The following TNFRSF10B variants were observed in gnomAD, a reference collection of about 807,000 sequenced individuals.
TNFRSF10B encodes tumor necrosis factor receptor superfamily member 10B.
A neutral mutation model predicts 41.4 loss-of-function variants in TNFRSF10B; 35 were observed. That is an observed-to-expected ratio of 0.85 (90% confidence interval 0.65 to 1.12). The LOEUF is 1.12. Ranked by LOEUF, TNFRSF10B falls within the 50% of genes most tolerant of loss-of-function variation. TNFRSF10B has a pLI of 0.00. For synonymous variants in TNFRSF10B, 230 were observed against 215.5 expected (o/e 1.07, Z -0.59); for missense variants, 584 against 552.7 (o/e 1.06, Z -0.57).
chr8:23,022,571 G>A lies in TNFRSF10B; in HGVS notation c.*100C>T, dbSNP rs776659584. ...GAGAGTTTCTTCCAGTACCGGTCAT[G>A]TGACAATTGTGGCACTTTCCTACTG... is the stretch of plus-strand genomic sequence containing the variant. On this transcript the variant is annotated 3_prime_UTR_variant, in exon 9 of 9. Transcript: ENST00000276431. 9.3e-6 allele frequency: 12 copies of A among 1,294,448 alleles called. No homozygotes were observed. The highest frequency in any genetic ancestry group is 1.3e-5 in the Non-Finnish European group (12 of 905,632). The allele number at this position is 1,294,448 out of a possible 1,614,324, so 80.2% of individuals were successfully genotyped here.
intron 4 of TNFRSF10B, among the ~76,000 whole-genome samples, chr8:23,028,921 G>A (rs1811797115): frequency 6.6e-6 from 1 of 152,204 alleles, no homozygotes; most frequent in Non-Finnish European, 1.5e-5. Context: ...CCAGGGGAAG[G>A]TCACAAGCCC....
At chr8:23,042,103 C>G (rs938786752) in intron 2 of TNFRSF10B, among the ~76,000 whole-genome samples, 2 of 152,184 alleles carry the variant, frequency 1.3e-5, no homozygotes, top group Non-Finnish European at 2.9e-5. Context: ...CATCCACACC[C>G]CAAATATGTC....
chr8:23,039,831 C>T (rs1052003273), intron 2 of TNFRSF10B, among the ~76,000 whole-genome samples: 26 of 152,098 alleles, frequency 1.7e-4, no homozygotes, highest in African/African-American at 6.3e-4. Flanking sequence ...TGAAATTCTG[C>T]CGGTATTATA....
intron 4 of TNFRSF10B, among the ~76,000 whole-genome samples, chr8:23,029,038 G>C (rs1811800407): frequency 6.6e-6 from 1 of 152,190 alleles, no homozygotes; most frequent in Non-Finnish European, 1.5e-5. Context: ...AGGGGGGCCA[G>C]AGAAGAGCAA....
intron 3 of TNFRSF10B, 97 bp from the exon 4 acceptor site, chr8:23,029,818 G>A: frequency 1.6e-6 from 2 of 1,252,278 alleles, no homozygotes; most frequent in South Asian, 2.6e-5. Flanking sequence ...GCTCAACTCA[G>A]TTTGCCAAGG....
chr8:23,024,570 G>A (rs186376791), intron 7 of TNFRSF10B, among the ~76,000 whole-genome samples: 2 of 151,836 alleles, frequency 1.3e-5, no homozygotes, highest in Admixed American at 1.3e-4. Context: ...TCCCAGGCTG[G>A]AGTGCAATAG....
At chr8:23,051,583 C>T (rs367763718) in intron 1 of TNFRSF10B, among the ~76,000 whole-genome samples, 5 of 149,800 alleles carry the variant, frequency 3.3e-5, no homozygotes, top group East Asian at 2.0e-4. Flanking sequence ...CTCGCTCTGT[C>T]GCCCAGGCTG....
chr8:23,020,883 C>A lies in TNFRSF10B; in HGVS notation c.*1788G>T. 1 of 453,990 alleles carries A rather than the reference C, an allele frequency of 2.2e-6. No homozygotes were observed. The highest frequency in any genetic ancestry group is 4.4e-6 in the Non-Finnish European group (1 of 226,778). 28.1% of individuals were successfully genotyped at this position (453,990 alleles called of 1,614,324 possible). A position where few individuals can be genotyped will look rare whatever the true frequency, so the allele number is the denominator to read the frequency against. ...GACCAGGAGGCAGCAGCACCCTGTG[C>A]CTTCCAGAAGTGCAGGGGACAACGC... On this transcript the variant is annotated 3_prime_UTR_variant, in exon 9 of 9. Transcript: ENST00000276431.
intron 1 of TNFRSF10B, among the ~76,000 whole-genome samples, chr8:23,050,882 T>G (rs1812504221): frequency 6.6e-6 from 1 of 152,266 alleles, no homozygotes; most frequent in Non-Finnish European, 1.5e-5. Flanking sequence ...GAGACCAGCC[T>G]GGCCAACATG....
At chr8:23,065,054 G>A (rs1812943409) in intron 1 of TNFRSF10B, among the ~76,000 whole-genome samples, 1 of 152,184 alleles carries the variant, frequency 6.6e-6, no homozygotes, top group South Asian at 2.1e-4. Flanking sequence ...TGACAGTGGT[G>A]GGACCTCATG....
intron 1 of TNFRSF10B, among the ~76,000 whole-genome samples, chr8:23,065,047 CAGT>C (rs1812943096): frequency 6.6e-6 from 1 of 152,190 alleles, no homozygotes; most frequent in African/African-American, 2.4e-5. Flanking sequence ...GGGGAGGTGA[CAGT>C]GGTGGGACCT....
chr8:23,041,350 C>T (rs1812196361), intron 2 of TNFRSF10B, among the ~76,000 whole-genome samples: 1 of 152,036 alleles, frequency 6.6e-6, no homozygotes, highest in Non-Finnish European at 1.5e-5. Flanking sequence ...AGTCACTGCG[C>T]CCGGCGTTAT....
chr8:23,048,437 CA>C (rs34985507), intron 1 of TNFRSF10B, among the ~76,000 whole-genome samples: 4,031 of 93,654 alleles, frequency 0.043, 151 homozygotes, highest in African/African-American at 0.12. Flanking sequence ...ATTTTTGTGT[CA>C]AAAAAAAAAA....
Position 23,022,631 on chromosome 8 carries a change from G to A in TNFRSF10B, c.*40C>T. ...CAGTTGGGCTTTTTCCAGAAAAAAG[G>A]TAAACCAGGGAAGGTCTGACTTCCT... On this transcript the variant is annotated 3_prime_UTR_variant, in exon 9 of 9. Coordinates refer to ENST00000276431, the MANE Select transcript of TNFRSF10B (RefSeq NM_003842.5). The A allele has an allele frequency of 3.7e-6, 6 of 1,612,470 alleles. No individual in the cohort carries two copies. The highest frequency in any genetic ancestry group is 2.2e-5 in the East Asian group (1 of 44,860).
Position 23,040,266 on chromosome 8 carries a change from A to AT in TNFRSF10B, c.250+2871_250+2872insA, listed in dbSNP as rs1563313827. On this transcript the variant is annotated intron_variant, in intron 2 of 8. Transcript: ENST00000276431. ...TATATATTTAAATATATATTTATTA[A>AT]ATATATATATAATATATATTTATTA... 1.9e-4 allele frequency among the ~76,000 whole-genome samples: 20 copies of AT among 107,814 alleles called. 4 individuals are homozygous for AT. The highest frequency in any genetic ancestry group is 2.4e-4 in the Admixed American group (2 of 8,410). The allele number at this position is 107,814 out of a possible 152,430, so 70.7% of individuals were successfully genotyped here.
chr8:23,022,558 C>T lies in TNFRSF10B; in HGVS notation c.*113G>A. On this transcript the variant is annotated 3_prime_UTR_variant, in exon 9 of 9. Coordinates refer to ENST00000276431, the MANE Select transcript of TNFRSF10B (RefSeq NM_003842.5). ...TGATGTTGGATGGGAGAGTTTCTTCCAGTACCGGTCATGTGACAATTGTGG... is the reference window on the plus strand; with the variant it reads ...TGATGTTGGATGGGAGAGTTTCTTCTAGTACCGGTCATGTGACAATTGTGG... 1 of 1,148,326 alleles carries T rather than the reference C, an allele frequency of 8.7e-7. No homozygotes were observed. Among genetic ancestry groups the T allele is most frequent in the South Asian group, 1.3e-5 (1 of 77,014 alleles). 71.1% of individuals were successfully genotyped at this position (1,148,326 alleles called of 1,614,324 possible).
chr8:23,048,540 A>G (rs1056403405), intron 1 of TNFRSF10B, among the ~76,000 whole-genome samples: 1 of 152,114 alleles, frequency 6.6e-6, no homozygotes, highest in Non-Finnish European at 1.5e-5. Context: ...TCAAAGGTAC[A>G]AACCATTGGT....
In TNFRSF10B at chr8:23,022,152, T is replaced by C. The variant is rs1367440370; in HGVS notation, c.*519A>G. The C allele has an allele frequency of 2.2e-6, 1 of 447,246 alleles. No homozygotes were observed. Among genetic ancestry groups the C allele is most frequent in the Non-Finnish European group, 4.5e-6 (1 of 222,770 alleles). 27.7% of individuals were successfully genotyped at this position (447,246 alleles called of 1,614,324 possible). ...GTGCACACCTGTGGTCCCAGCTATT[T>C]GGATGGCTGAGGTGGGAGAATCGCT... On this transcript the variant is annotated 3_prime_UTR_variant, in exon 9 of 9. Transcript: ENST00000276431.
intron 1 of TNFRSF10B, among the ~76,000 whole-genome samples, chr8:23,045,184 T>C (rs4298485): frequency 0.24 from 36,781 of 151,328 alleles, 4,681 homozygotes; most frequent in Non-Finnish European, 0.26. Flanking sequence ...AAGCTGAGAT[T>C]GTCACACTGC....
Sources: allele counts gnomAD v4.1 joint callset (sites outside exome capture counted in the v4.1 genomes callset), GRCh38; gene constraint gnomAD v4.1.1; transcripts MANE v1.5; gene names NCBI Gene and HGNC (gene_info 2026-07-23, HGNC 2026-07-21).